The following SACS variants were observed in gnomAD, a reference collection of about 807,000 sequenced individuals.
SACS encodes the protein sacsin.
Under a neutral mutation model 348.0 loss-of-function variants are expected in SACS, and 197 were observed. The observed-to-expected ratio is 0.57, with a 90% CI of 0.50 to 0.64. SACS has a LOEUF of 0.64. Ranked by LOEUF, SACS falls within the 30% of genes least tolerant of loss-of-function variation. The pLI is 0.00. For missense variants in SACS, 4,999 were observed against 5,360.8 expected, an observed-to-expected ratio of 0.93 and a Z score of 2.11; for synonymous variants, 1,985 against 1,910.6, an observed-to-expected ratio of 1.04 and a Z score of -1.02.
At position 23,334,266 on chromosome 13, in the gene SACS, T is replaced by C. The variant is rs200288861; in HGVS notation, c.9610A>G (p.Lys3204Glu). The C allele has an allele frequency of 2.6e-5, 42 of 1,609,346 alleles. No homozygotes were observed. The highest frequency in any genetic ancestry group is 2.5e-4 in the East Asian group (11 of 44,434). Residue 3204 changes from lysine to glutamate, a missense_variant, in exon 10 of 10, where the codon AAA becomes GAA. Physicochemically the swap from Lys to Glu is moderately conservative, Grantham distance 56. This residue lies in a region of SACS where 734 missense variants were observed against 694.0 expected (regional missense o/e 1.06). Coordinates refer to ENST00000382292, the MANE Select transcript of SACS (RefSeq NM_014363.6). The part of the protein sequence containing the change: ...LKYSNILLNC[K>E]VAKVFDISSF... ...GAAATGTCAAACACTTTTGCAACTT[T>C]ACAGTTCAATAAAATATTACTATAT... is the stretch of plus-strand genomic sequence containing the variant.
intron 2 of SACS, among the ~76,000 whole-genome samples, chr13:23,405,000 A>G (rs999622993): frequency 2.0e-5 from 3 of 152,204 alleles, no homozygotes; most frequent in Non-Finnish European, 2.9e-5. Context: ...TAATTTATAG[A>G]TTCAATGCTG....
At chr13:23,409,624 C>A (rs1183859940) in intron 2 of SACS, among the ~76,000 whole-genome samples, 1 of 152,004 alleles carries the variant, frequency 6.6e-6, no homozygotes, top group Non-Finnish European at 1.5e-5. Flanking sequence ...GCCACCGCAC[C>A]TGGCTGGTTT....
Position 23,340,651 on chromosome 13 carries a change from G to C in SACS, c.3225C>G (p.Pro1075=). The change falls in exon 10 of 10, where the codon CCC becomes CCG. Residue 1075 remains proline, a synonymous_variant. Coordinates refer to ENST00000382292, the MANE Select transcript of SACS (RefSeq NM_014363.6). ...GAATATCTGGTGAGGTAAAAACTGA[G>C]GGTGGGAAATAGGTTCCTTCTTCAT... ...FCNEEGTYFP[P]SVFTSPDILH... is the part of the protein sequence containing the mutation. 1 of 1,601,356 alleles carries C rather than the reference G, an allele frequency of 6.2e-7. No homozygotes were observed. The highest frequency in any genetic ancestry group is 8.5e-7 in the Non-Finnish European group (1 of 1,176,234).
intron 2 of SACS, among the ~76,000 whole-genome samples, chr13:23,387,615 T>C (rs551622293): frequency 1.2e-4 from 19 of 152,264 alleles, no homozygotes; most frequent in Admixed American, 4.6e-4. Flanking sequence ...TTGGTCCTCA[T>C]AGACGGCTGG....
chr13:23,337,454 T>C lies in SACS; in HGVS notation c.6422A>G (p.Asn2141Ser), dbSNP rs1191837966. ...FPYGSTQDYL[N>S]PIILIKLVQL... ...AACTAGTTTAATCAAAATAATAGGA[T>C]TGAGATAATCCTGAGTAGAACCATA... The change falls in exon 10 of 10, where the codon AAT becomes AGT. Residue 2141 changes from asparagine to serine, a missense_variant. Coordinates refer to ENST00000382292, the MANE Select transcript of SACS (RefSeq NM_014363.6). 8.1e-6 allele frequency: 13 copies of C among 1,612,956 alleles called. No homozygotes were observed. The East Asian group carries it at 2.0e-4, about 25-fold the overall frequency.
At chr13:23,419,741 T>C (rs1363212125) in intron 1 of SACS, among the ~76,000 whole-genome samples, 1 of 152,230 alleles carries the variant, frequency 6.6e-6, no homozygotes, top group Non-Finnish European at 1.5e-5. Context: ...TTTCTGTGTG[T>C]GTTCAGCATT....
At position 23,329,044 on chromosome 13, in the gene SACS, T is replaced by C. The variant is rs1303741890; in HGVS notation, c.*1092A>G. 1 of 172,966 alleles carries C rather than the reference T, an allele frequency of 5.8e-6. No homozygotes were observed. The highest frequency in any genetic ancestry group is 2.4e-5 in the African/African-American group (1 of 41,950). The allele number at this position is 172,966 out of a possible 1,614,324, so 10.7% of individuals were successfully genotyped here. On this transcript the variant is annotated 3_prime_UTR_variant, in exon 10 of 10. Transcript: ENST00000382292. ...CAGCCAGTACACTTATATAAACTAA[T>C]TATCATTACCTTTTACATTCTGCAA...
rs1238663527 is a variant in SACS, at chr13:23,339,089, G to C, written c.4787C>G (p.Ser1596Cys). The change falls in exon 10 of 10, where the codon TCC (serine) becomes TGC (cysteine). Residue 1596 changes from serine (S) to cysteine (C), a missense_variant. Ser to Cys is a moderately radical substitution (Grantham distance 112, BLOSUM62 -1). Coordinates refer to ENST00000382292, the MANE Select transcript of SACS (RefSeq NM_014363.6). The stretch of plus-strand genomic sequence containing the variant: ...CCAATTAATTTTGATCCCAGGATTG[G>C]ATTTGTCTTTAATGTGTTTACTGAT... ...NHISKHIKDK[S>C]NPGIKINWSK... The C allele has an allele frequency of 1.9e-6, 3 of 1,611,684 alleles. No homozygotes were observed. Among genetic ancestry groups the C allele is most frequent in the Non-Finnish European group, 2.5e-6 (3 of 1,178,858 alleles).
intron 1 of SACS, among the ~76,000 whole-genome samples, chr13:23,417,189 A>G (rs1403281412): frequency 6.6e-6 from 1 of 152,250 alleles, no homozygotes; most frequent in Non-Finnish European, 1.5e-5. Context: ...AATGAAAGAC[A>G]TTAAAAAGAC....
At chr13:23,401,358 C>T (rs946939123) in intron 2 of SACS, among the ~76,000 whole-genome samples, 3 of 152,224 alleles carry the variant, frequency 2.0e-5, no homozygotes, top group Non-Finnish European at 2.9e-5. Flanking sequence ...TGTGTATCAC[C>T]TATCTGTGAC....
chr13:23,396,198 C>T (rs1160500734), intron 2 of SACS, among the ~76,000 whole-genome samples: 1 of 151,948 alleles, frequency 6.6e-6, no homozygotes, highest in Non-Finnish European at 1.5e-5. Flanking sequence ...GTGGCAGGCA[C>T]CTGTAACCCC....
At position 23,333,887 on chromosome 13, in the gene SACS, A is replaced by G. The variant is rs1318929187; in HGVS notation, c.9989T>C (p.Ile3330Thr). ...VFHALMKAGC[I>T]QLALNKICSK... is the part of the protein sequence containing the mutation. ...ACAGATTTTGTTCAAAGCAAGCTGA[A>G]TACAGCCAGCTTTCATTAGAGCATG... The change falls in exon 10 of 10, where the codon ATT (isoleucine) becomes ACT (threonine). Residue 3330 changes from isoleucine to threonine, a missense_variant. By Grantham distance (89) the Ile-to-Thr change is moderately conservative. Transcript: ENST00000382292. 2 of 1,613,864 alleles carry G rather than the reference A, an allele frequency of 1.2e-6. No homozygotes were observed. Among genetic ancestry groups the G allele is most frequent in the Admixed American group, 1.7e-5 (1 of 60,014 alleles).
At chr13:23,347,059 C>T (rs990166729) in intron 9 of SACS, among the ~76,000 whole-genome samples, 2 of 152,120 alleles carry the variant, frequency 1.3e-5, no homozygotes, top group Non-Finnish European at 2.9e-5. Context: ...ACGTAAGAGT[C>T]AGGAGTGTTG....
At position 23,333,457 on chromosome 13, in the gene SACS, A is replaced by T. The variant is rs766453747; in HGVS notation, c.10419T>A (p.Asp3473Glu). The T allele has an allele frequency of 1.9e-6, 3 of 1,612,374 alleles. No individual in the cohort carries two copies. The highest frequency in any genetic ancestry group is 1.1e-5 in the South Asian group (1 of 90,882). ...AGAGGTGTTTCAAATATACCTCAAG[A>T]TCATCTACAGGTACACAACCAATCA... ...YEVIGCVPVD[D>E]LEVYLKHLLP... The change falls in exon 10 of 10, where the codon GAT becomes GAA. Residue 3473 changes from aspartate (D) to glutamate (E), a missense_variant. By Grantham distance (45) the Asp-to-Glu change is conservative. Transcript: ENST00000382292.
chr13:23,361,277 T>C (rs2137759214), intron 6 of SACS, among the ~76,000 whole-genome samples: 1 of 152,262 alleles, frequency 6.6e-6, no homozygotes, highest in East Asian at 1.9e-4. Context: ...AAGAATCTAG[T>C]TATCATTTAA....
chr13:23,384,903 T>C (rs192665340), intron 2 of SACS, among the ~76,000 whole-genome samples: 62 of 152,296 alleles, frequency 4.1e-4, no homozygotes, highest in Admixed American at 9.8e-4. Flanking sequence ...CCGGTGCAGA[T>C]AAAAGTTATG....
At chr13:23,377,920 A>G (rs1189892857) in intron 2 of SACS, among the ~76,000 whole-genome samples, 1 of 152,202 alleles carries the variant, frequency 6.6e-6, no homozygotes, top group African/African-American at 2.4e-5. Context: ...TCCAGATGGA[A>G]TTTATTGGAC....
chr13:23,421,060 C>A (rs755544580), intron 1 of SACS, among the ~76,000 whole-genome samples: 2 of 151,942 alleles, frequency 1.3e-5, no homozygotes, highest in Admixed American at 6.5e-5. Flanking sequence ...GGGTATCCAC[C>A]TAGGACCTGG....
At chr13:23,387,679 T>G (rs1287738937) in intron 2 of SACS, among the ~76,000 whole-genome samples, 1 of 152,098 alleles carries the variant, frequency 6.6e-6, no homozygotes. Flanking sequence ...GGTGGTGGTT[T>G]GAGTTCAGGT....
Sources: gnomAD v4.1 joint callset for allele counts (sites outside exome capture counted in the v4.1 genomes callset) on GRCh38, gnomAD v4.1.1 for gene constraint, gnomAD v4.1.1 regional missense constraint, MANE v1.5 for transcripts, NCBI Gene and HGNC (gene_info 2026-07-23, HGNC 2026-07-21) for gene names.